ABCB5: variants seen among roughly 807,000 people sequenced by gnomAD.
ABCB5 encodes the protein ATP-binding cassette sub-family B member 5.
ABCB5 carries 155 observed loss-of-function variants against 144.2 expected under a neutral mutation model. That is an observed-to-expected ratio of 1.08 (90% CI 0.94 to 1.23). ABCB5 has a LOEUF of 1.23. Ranked by LOEUF, ABCB5 falls within the 50% of genes most tolerant of loss-of-function variation. ABCB5 has a pLI of 0.00. For synonymous variants in ABCB5, 610 were observed against 528.6 expected, an observed-to-expected ratio of 1.15 and a Z score of -2.11; for missense variants, 1,830 against 1,520.8, an observed-to-expected ratio of 1.20 and a Z score of -3.38.
chr7:20,660,611 C>G (rs1216049377), intron 14 of ABCB5, among the ~76,000 whole-genome samples: 2 of 152,250 alleles, frequency 1.3e-5, no homozygotes, highest in South Asian at 4.2e-4. Flanking sequence ...GTTATGGAAC[C>G]AAGCCCTTGG....
intron 26 of ABCB5, among the ~76,000 whole-genome samples, 175 bp from the exon 27 acceptor site, chr7:20,753,185 A>C (rs866758859): frequency 6.6e-6 from 1 of 152,230 alleles, no homozygotes; most frequent in African/African-American, 2.4e-5. Flanking sequence ...GGTAGTGTTT[A>C]CTGCGGCTTT....
chr7:20,688,765 T>C (rs1331187706), intron 16 of ABCB5, among the ~76,000 whole-genome samples: 3 of 152,094 alleles, frequency 2.0e-5, no homozygotes, highest in Non-Finnish European at 4.4e-5. Flanking sequence ...GTGGCACATA[T>C]ACACCATGGA....
At chr7:20,657,944 A>G in intron 13 of ABCB5, among the ~76,000 whole-genome samples, 1 of 152,190 alleles carries the variant, frequency 6.6e-6, no homozygotes, top group East Asian at 1.9e-4. Context: ...CCTACCACAA[A>G]TATGGAAGAC....
intron 11 of ABCB5, among the ~76,000 whole-genome samples, chr7:20,649,098 T>G (rs1012885533): frequency 6.6e-6 from 1 of 152,068 alleles, no homozygotes; most frequent in Admixed American, 6.6e-5. Context: ...AAGAATGAAA[T>G]TTTGGGGGGG....
chr7:20,660,228 C>A, intron 14 of ABCB5: 2 of 984,734 alleles, frequency 2.0e-6, no homozygotes, highest in Non-Finnish European at 2.4e-6. Context: ...AAACTGATTC[C>A]AAAATTACAC....
chr7:20,651,401 T>C lies in ABCB5; in HGVS notation c.1333-19T>C. The C allele has an allele frequency of 6.2e-7, 1 of 1,613,814 alleles. No homozygotes were observed. Among genetic ancestry groups the C allele is most frequent in the East Asian group, 2.2e-5 (1 of 44,872 alleles). On this transcript the variant is annotated intron_variant, in intron 12 of 27. Transcript: ENST00000404938. Reference sequence around the variant, plus strand: ...ACAGTAAAAGGCATCACAACATGGTTCATTCTTTGGATTGGCAGATCATGG... The same window carrying C: ...ACAGTAAAAGGCATCACAACATGGTCCATTCTTTGGATTGGCAGATCATGG...
rs558983048 is a variant in ABCB5 at position 20,626,598 on chromosome 7, G to T, written c.95G>T (p.Gly32Val). 1.9e-6 allele frequency: 3 copies of T among 1,606,068 alleles called. No individual in the cohort carries two copies. In the African/African-American group the frequency reaches 4.0e-5, roughly 21 times the overall value. ...CCAAAACTGAGAAAGGAAGCAGTTGGATCTATTGAGATAGTAAGTGAAATC... is the reference window on the plus strand; with the variant it reads ...CCAAAACTGAGAAAGGAAGCAGTTGTATCTATTGAGATAGTAAGTGAAATC... ...EQPKLRKEAV[G>V]SIEIFRFADG... Residue 32 changes from glycine (G) to valine (V), a missense_variant, in exon 3 of 28, where the codon GGA (glycine) becomes GTA (valine). Transcript: ENST00000404938.
chr7:20,677,915 A>G (rs1009028538), intron 14 of ABCB5, among the ~76,000 whole-genome samples: 16 of 152,206 alleles, frequency 1.1e-4, no homozygotes, highest in African/African-American at 3.4e-4. Context: ...GGTCCAGCAC[A>G]AAATGAAAAT....
intron 14 of ABCB5, among the ~76,000 whole-genome samples, chr7:20,677,586 G>A (rs995955876): frequency 6.6e-5 from 10 of 152,146 alleles, no homozygotes; most frequent in African/African-American, 1.4e-4. Flanking sequence ...AAAATTAACC[G>A]GGTGTGGTGG....
chr7:20,706,140 G>A (rs1005738988), intron 20 of ABCB5, among the ~76,000 whole-genome samples: 1 of 152,042 alleles, frequency 6.6e-6, no homozygotes, highest in African/African-American at 2.4e-5. Flanking sequence ...CAAATAATGG[G>A]TATAGCATTA....
intron 1 of ABCB5, among the ~76,000 whole-genome samples, chr7:20,616,690 T>C (rs1467151019): frequency 2.0e-5 from 3 of 152,236 alleles, no homozygotes; most frequent in African/African-American, 7.2e-5. Flanking sequence ...TGTTATCTAC[T>C]TAGTGCTGGA....
chr7:20,659,517 T>C (rs865816259), intron 14 of ABCB5: 42 of 1,018,832 alleles, frequency 4.1e-5, no homozygotes, highest in Middle Eastern at 9.7e-4. Context: ...GTTACTATTA[T>C]TTAGTAGCAA....
At chr7:20,724,276 G>C (rs1440300633) in intron 21 of ABCB5, among the ~76,000 whole-genome samples, 1 of 151,842 alleles carries the variant, frequency 6.6e-6, no homozygotes, top group Non-Finnish European at 1.5e-5. Context: ...TCCAAAATCT[G>C]TTTTTCACGA....
At chr7:20,638,969 G>A (rs1479346513) in intron 5 of ABCB5, among the ~76,000 whole-genome samples, 1 of 151,930 alleles carries the variant, frequency 6.6e-6, no homozygotes, top group African/African-American at 2.4e-5. Context: ...CCATTTTACT[G>A]TCCACCAGCA....
intron 23 of ABCB5, among the ~76,000 whole-genome samples, chr7:20,729,109 T>C (rs751072591): frequency 7.9e-5 from 12 of 152,224 alleles, no homozygotes; most frequent in African/African-American, 2.4e-4. Context: ...TGTTCTGATA[T>C]ATGTTAACAC....
At chr7:20,728,795 C>T (rs1782121142) in intron 23 of ABCB5, among the ~76,000 whole-genome samples, 1 of 152,056 alleles carries the variant, frequency 6.6e-6, no homozygotes, top group African/African-American at 2.4e-5. Flanking sequence ...AATACATAAA[C>T]CTTGTAAGGG....
intron 20 of ABCB5, among the ~76,000 whole-genome samples, chr7:20,713,050 C>G (rs1781548170): frequency 6.7e-6 from 1 of 149,464 alleles, no homozygotes; most frequent in South Asian, 2.1e-4. Flanking sequence ...TCTTCTCAAC[C>G]CCCTGAATCC....
chr7:20,628,762 C>G lies in ABCB5; in HGVS notation c.183C>G (p.Cys61Trp). The change falls in exon 4 of 28, where the codon TGC becomes TGG. Residue 61 changes from cysteine to tryptophan, a missense_variant. Coordinates refer to ENST00000404938, the MANE Select transcript of ABCB5 (RefSeq NM_001163941.2). ...GILASLVNGA[C>W]LPLMPLVLGE... ...TGGCATCACTGGTCAATGGAGCCTG[C>G]CTTCCTTTAATGCCACTGGTTTTAG... 1 of 1,613,652 alleles carries G rather than the reference C, an allele frequency of 6.2e-7. No homozygotes were observed. Among genetic ancestry groups the G allele is most frequent in the Non-Finnish European group, 8.5e-7 (1 of 1,179,778 alleles).
intron 13 of ABCB5, among the ~76,000 whole-genome samples, chr7:20,652,171 G>C (rs1169402081): frequency 6.6e-6 from 1 of 152,226 alleles, no homozygotes; most frequent in Non-Finnish European, 1.5e-5. Flanking sequence ...TTGTGGCTGA[G>C]AGTGGGAAAG....
Sources: allele counts gnomAD v4.1 joint callset (sites outside exome capture counted in the v4.1 genomes callset), GRCh38; gene constraint gnomAD v4.1.1; transcripts MANE v1.5; gene names NCBI Gene and HGNC (gene_info 2026-07-23, HGNC 2026-07-21).